The following NBPF6 variants were observed in gnomAD, a reference collection of about 807,000 sequenced individuals.
The protein encoded by NBPF6 is NBPF family member NBPF6.
A neutral mutation model predicts 20.8 loss-of-function variants in NBPF6; 2 were observed. The ratio of observed to expected loss-of-function variants is 0.10; its 90% confidence interval spans 0.04 to 0.30. The LOEUF (loss-of-function observed/expected upper bound fraction) is 0.30. NBPF6 is among the 10% of genes least tolerant of loss of function. NBPF6 has a pLI of 1.00. For synonymous variants in NBPF6, 24 were observed against 100.0 expected (o/e 0.24, Z 4.53); for missense variants, 85 against 260.3 (o/e 0.33, Z 4.63).
intron 14 of NBPF6, among the ~76,000 whole-genome samples, chr1:108,470,345 GC>G (rs1412403725): frequency 3.7e-5 from 5 of 135,930 alleles, no homozygotes; most frequent in Non-Finnish European, 6.2e-5. Context: ...GGATGATGTT[GC>G]CCACTGCTGG....
rs555970008 is a variant in NBPF6, at chr1:108,470,734, C to G, written c.*96C>G. Reference sequence around the variant, plus strand: ...AACACAATACTGCAGGGGTCCTTCACTGAGGATTGAATTTCAGACACAGAA... The same window carrying G: ...AACACAATACTGCAGGGGTCCTTCAGTGAGGATTGAATTTCAGACACAGAA... On this transcript the variant is annotated 3_prime_UTR_variant, in exon 15 of 15. Coordinates refer to ENST00000495380, the MANE Select transcript of NBPF6 (RefSeq NM_001143988.2). 4.5e-6 allele frequency: 4 copies of G among 888,704 alleles called. No homozygotes were observed. The South Asian group carries it at 6.9e-5, about 15-fold the overall frequency. 55.1% of individuals were successfully genotyped at this position (888,704 alleles called of 1,614,324 possible). A position where few individuals can be genotyped will look rare whatever the true frequency, so the allele number is the denominator to read the frequency against.
chr1:108,448,166 C>T (rs370623784), upstream of NBPF6, among the ~76,000 whole-genome samples: 9 of 145,758 alleles, frequency 6.2e-5, no homozygotes, highest in Non-Finnish European at 9.2e-5. Context: ...TCAATCCCAG[C>T]GGAAAGCATG....
chr1:108,470,588 C>T lies in NBPF6; in HGVS notation c.1876-9C>T, dbSNP rs759913269. On this transcript the variant is annotated splice_polypyrimidine_tract_variant and intron_variant, in intron 14 of 14. Transcript: ENST00000495380. The stretch of plus-strand genomic sequence containing the variant: ...CTCATTTGATTTTTTTTCTCTCTCT[C>T]CCCTACAGATACCAAATACTGCTGA... 5.2e-6 allele frequency: 8 copies of T among 1,550,322 alleles called. No individual in the cohort carries two copies. Among genetic ancestry groups the T allele is most frequent in the African/African-American group, 1.4e-5 (1 of 72,804 alleles).
chr1:108,448,340 G>C (rs556944642), upstream of NBPF6, among the ~76,000 whole-genome samples: 4 of 148,516 alleles, frequency 2.7e-5, no homozygotes, highest in African/African-American at 7.4e-5. Flanking sequence ...GAGAATCATT[G>C]GTACTCAATA....
chr1:108,429,632 G>T, the NBPF6 span, among the ~76,000 whole-genome samples: 1 of 148,510 alleles, frequency 6.7e-6, no homozygotes, highest in Admixed American at 6.7e-5. Flanking sequence ...TAGTCGTGTG[G>T]TTTTGAGTGG....
Position 108,470,586 on chromosome 1 carries a change from C to T in NBPF6, c.1876-11C>T. On this transcript the variant is annotated splice_polypyrimidine_tract_variant and intron_variant, in intron 14 of 14. Coordinates refer to ENST00000495380, the MANE Select transcript of NBPF6 (RefSeq NM_001143988.2). ...TGCTCATTTGATTTTTTTTCTCTCT[C>T]TCCCCTACAGATACCAAATACTGCT... The T allele has an allele frequency of 6.5e-7, 1 of 1,548,654 alleles. No individual in the cohort carries two copies. Among genetic ancestry groups the T allele is most frequent in the South Asian group, 1.2e-5 (1 of 83,394 alleles).
At chr1:108,459,463 G>T (rs1653034347) in intron 9 of NBPF6, among the ~76,000 whole-genome samples, 1 of 150,566 alleles carries the variant, frequency 6.6e-6, no homozygotes. Context: ...AAGGAAATTA[G>T]GTAGAAAAAA....
intron 3 of NBPF6, 149 bp from the exon 4 acceptor site, chr1:108,453,032 C>A: frequency 4.3e-6 from 1 of 233,770 alleles, no homozygotes; most frequent in Non-Finnish European, 9.1e-6. Flanking sequence ...ATTCTTCTTT[C>A]TCTTGGCCAC....
the NBPF6 span, among the ~76,000 whole-genome samples, chr1:108,436,601 AAAAAAAAAAAAAGAAAAGAAAAG>A: frequency 1.6e-5 from 1 of 61,274 alleles, no homozygotes; most frequent in Non-Finnish European, 4.2e-5. Context: ...TCAAAAAAAA[AAAAAAAAAAAAAGAAAAGAAAAG>A]AAAAAAAGAT....
At chr1:108,448,174 A>G (rs61797099), upstream of NBPF6, among the ~76,000 whole-genome samples, 39,781 of 133,692 alleles carry the variant, frequency 0.3, 2,936 homozygotes, top group East Asian at 0.48. Context: ...AGCGGAAAGC[A>G]TGCCTCTCAG....
At chr1:108,468,229 A>G (rs1220861287) in intron 14 of NBPF6, among the ~76,000 whole-genome samples, 2 of 150,800 alleles carry the variant, frequency 1.3e-5, no homozygotes, top group Admixed American at 1.3e-4. Flanking sequence ...CACAGGTGGG[A>G]GTTCCCTACT....
the NBPF6 span, among the ~76,000 whole-genome samples, chr1:108,437,820 CAGGGGAGGGG>C: frequency 9.3e-5 from 2 of 21,472 alleles, no homozygotes; most frequent in African/African-American, 2.3e-4. Context: ...AGAGGGAGGG[CAGGGGAGGGG>C]AGGGGAGGGG....
chr1:108,436,248 T>G, the NBPF6 span, among the ~76,000 whole-genome samples: 1 of 78,394 alleles, frequency 1.3e-5, no homozygotes, highest in African/African-American at 4.0e-5. Context: ...AAAATGCTAC[T>G]AAAATGAAGA....
chr1:108,459,495 T>C (rs1399412562), intron 9 of NBPF6, among the ~76,000 whole-genome samples: 7 of 150,286 alleles, frequency 4.7e-5, no homozygotes, highest in African/African-American at 1.7e-4. Context: ...CCATGCACAA[T>C]ATTGAGAGAA....
chr1:108,448,257 C>T (rs1377834681), upstream of NBPF6, among the ~76,000 whole-genome samples: 1 of 145,338 alleles, frequency 6.9e-6, no homozygotes, highest in African/African-American at 2.5e-5. Flanking sequence ...GTAAATTTAT[C>T]TATTCTCTGG....
chr1:108,459,524 C>T (rs575401840), intron 9 of NBPF6, among the ~76,000 whole-genome samples: 16 of 148,644 alleles, frequency 1.1e-4, no homozygotes, highest in East Asian at 7.9e-4. Context: ...TGATGCCATG[C>T]GATTTCGGGG....
At position 108,471,706 on chromosome 1, in the gene NBPF6, C is replaced by T. The variant is rs1348417261; in HGVS notation, c.*1068C>T. ...ATTCTGTCGTAAAAAGGAACATTCC[C>T]TGCCCAAAGTTTGACTTTCATCCAA... is the stretch of plus-strand genomic sequence containing the variant. On this transcript the variant is annotated 3_prime_UTR_variant, in exon 15 of 15. Coordinates refer to ENST00000495380, the MANE Select transcript of NBPF6 (RefSeq NM_001143988.2). Among the ~76,000 whole-genome samples the T allele has an allele frequency of 2.6e-5, 4 of 152,152 alleles. No individual in the cohort carries two copies. Among genetic ancestry groups the T allele is most frequent in the Non-Finnish European group, 5.9e-5 (4 of 68,028 alleles).
chr1:108,470,766 T>C lies in NBPF6; in HGVS notation c.*128T>C. On this transcript the variant is annotated 3_prime_UTR_variant, in exon 15 of 15. Transcript: ENST00000495380. ...TTGAATTTCAGACACAGAATACTCT[T>C]GATGACTTCAAGCCACTATGCTCCT... The C allele has an allele frequency of 1.5e-6, 1 of 646,450 alleles. No individual in the cohort carries two copies. Among genetic ancestry groups the C allele is most frequent in the South Asian group, 2.0e-5 (1 of 49,020 alleles). The allele number at this position is 646,450 out of a possible 1,614,324, so 40.0% of individuals were successfully genotyped here. A position where few individuals can be genotyped will look rare whatever the true frequency, so the allele number is the denominator to read the frequency against.
At chr1:108,448,052 A>G (rs1288643921), upstream of NBPF6, among the ~76,000 whole-genome samples, 11 of 145,516 alleles carry the variant, frequency 7.6e-5, 1 homozygote, top group Non-Finnish European at 1.5e-4. Flanking sequence ...TAAAATATAT[A>G]TTGTATCTAT....
Sources: allele counts gnomAD v4.1 joint callset (sites outside exome capture counted in the v4.1 genomes callset), GRCh38; gene constraint gnomAD v4.1.1; transcripts MANE v1.5; gene names NCBI Gene and HGNC (gene_info 2026-07-23, HGNC 2026-07-21).